PDE4D: variants seen among roughly 807,000 people sequenced by gnomAD.
PDE4D encodes 3',5'-cyclic-AMP phosphodiesterase 4D.
PDE4D carries 24 observed loss-of-function variants against 87.4 expected under a neutral mutation model. The ratio of observed to expected loss-of-function variants is 0.27; its 90% CI spans 0.20 to 0.39. PDE4D has a LOEUF of 0.39. Among genes scored for constraint, PDE4D ranks in the 10% least tolerant of loss-of-function variants. The pLI, the probability that PDE4D is intolerant of heterozygous loss-of-function variation, is 1.00. For synonymous variants in PDE4D, 384 were observed against 383.2 expected (o/e 1.00, Z -0.02); for missense variants, 714 against 1,041.0 (o/e 0.69, Z 4.32).
intron 1 of PDE4D, among the ~76,000 whole-genome samples, chr5:59,360,688 C>T (rs1464984603): frequency 6.6e-6 from 1 of 152,090 alleles, no homozygotes; most frequent in Non-Finnish European, 1.5e-5. Context: ...CTTTGAATTG[C>T]TTTCAAATAT....
chr5:60,447,085 T>G (rs1314885533), intron 1 of PDE4D, among the ~76,000 whole-genome samples: 2 of 152,070 alleles, frequency 1.3e-5, no homozygotes, highest in Non-Finnish European at 2.9e-5. Context: ...CAGGAGCACT[T>G]GCACACCATA....
At chr5:60,282,088 C>G (rs918711708) in intron 1 of PDE4D, among the ~76,000 whole-genome samples, 2 of 151,644 alleles carry the variant, frequency 1.3e-5, no homozygotes, top group East Asian at 3.9e-4. Flanking sequence ...AACAACATTA[C>G]TCAACATATA....
intron 1 of PDE4D, among the ~76,000 whole-genome samples, chr5:60,359,526 T>C (rs919421011): frequency 3.9e-5 from 6 of 152,228 alleles, no homozygotes; most frequent in Non-Finnish European, 8.8e-5. Context: ...GATTTTCCCC[T>C]ATAAATATTT....
chr5:59,094,824 A>G (rs1350120416), intron 5 of PDE4D, among the ~76,000 whole-genome samples: 1 of 152,154 alleles, frequency 6.6e-6, no homozygotes, highest in Non-Finnish European at 1.5e-5. Context: ...AATCTTAAAA[A>G]CTAGCTTTTA....
intron 1 of PDE4D, among the ~76,000 whole-genome samples, chr5:59,446,888 C>T (rs563972416): frequency 6.6e-6 from 1 of 152,308 alleles, no homozygotes; most frequent in East Asian, 1.9e-4. Context: ...TCTGTTTAGA[C>T]TTTTTGGTTG....
chr5:60,391,599 CCCTTAGTTT>C (rs1294125461), intron 1 of PDE4D, among the ~76,000 whole-genome samples: 3 of 152,104 alleles, frequency 2.0e-5, no homozygotes, highest in Non-Finnish European at 2.9e-5. Flanking sequence ...TGACTACTGC[CCCTTAGTTT>C]CCTTAGTCAC....
chr5:59,608,084 T>C (rs1466615208), intron 1 of PDE4D, among the ~76,000 whole-genome samples: 2 of 152,158 alleles, frequency 1.3e-5, no homozygotes, highest in East Asian at 3.9e-4. Flanking sequence ...TAATTTGTTA[T>C]TATAGTGGCC....
chr5:59,768,673 G>A (rs943987363), intron 1 of PDE4D: 25 of 1,482,438 alleles, frequency 1.7e-5, no homozygotes, highest in African/African-American at 2.8e-5. Context: ...GTGCAGAGGA[G>A]GCGAGCGCAC....
chr5:59,101,158 T>C (rs1770671410), intron 5 of PDE4D, among the ~76,000 whole-genome samples: 1 of 152,090 alleles, frequency 6.6e-6, no homozygotes, highest in African/African-American at 2.4e-5. Flanking sequence ...CAGCTTAGGT[T>C]TCCCCTTCCT....
intron 1 of PDE4D, among the ~76,000 whole-genome samples, chr5:59,294,511 A>G (rs1419871174): frequency 6.6e-6 from 1 of 152,136 alleles, no homozygotes; most frequent in Non-Finnish European, 1.5e-5. Flanking sequence ...GGTGGTGAGG[A>G]ACACCTTGTA....
intron 1 of PDE4D, among the ~76,000 whole-genome samples, chr5:59,551,044 A>C (rs1219737449): frequency 6.6e-6 from 1 of 152,008 alleles, no homozygotes; most frequent in Non-Finnish European, 1.5e-5. Flanking sequence ...CTTTAGTAAC[A>C]CTGGAAATAG....
intron 1 of PDE4D, among the ~76,000 whole-genome samples, chr5:60,514,543 A>G (rs1039244167): frequency 6.6e-6 from 1 of 152,102 alleles, no homozygotes; most frequent in Non-Finnish European, 1.5e-5. Flanking sequence ...AACATTCAAA[A>G]TATCAATTTA....
intron 6 of PDE4D, among the ~76,000 whole-genome samples, chr5:59,010,799 T>C (rs1752633219): frequency 6.6e-6 from 1 of 152,092 alleles, no homozygotes; most frequent in Admixed American, 6.5e-5. Flanking sequence ...GTAGTGGATC[T>C]CCCAGCATGA....
In PDE4D at chr5:60,477,563, CTGAG is replaced by C. The variant is rs1476889703; in HGVS notation, c.-90+10375_-90+10378del. 5.3e-5 allele frequency among the ~76,000 whole-genome samples: 8 copies of C among 152,264 alleles called. No homozygotes were observed. The East Asian group carries it at 1.5e-3, about 29-fold the overall frequency. On this transcript the variant is annotated intron_variant, in intron 1 of 16. Coordinates refer to the PDE4D transcript ENST00000502484. ...AAAAGGTGAAATGACTTCTGGTAGA[CTGAG>C]TGTATTAATGGCCCAACTCATGGCC...
intron 1 of PDE4D, among the ~76,000 whole-genome samples, chr5:59,309,327 T>C (rs901139179): frequency 6.6e-6 from 1 of 152,184 alleles, no homozygotes; most frequent in African/African-American, 2.4e-5. Flanking sequence ...CTTCTCCCTG[T>C]AGAGTTTTAC....
chr5:59,118,619 A>G (rs1773997047), intron 5 of PDE4D, among the ~76,000 whole-genome samples: 1 of 152,188 alleles, frequency 6.6e-6, no homozygotes. Context: ...AAGAGGAGAG[A>G]GTTTATTTAC....
At chr5:59,794,154 C>T (rs1164611839) in intron 1 of PDE4D, among the ~76,000 whole-genome samples, 3 of 148,998 alleles carry the variant, frequency 2.0e-5, no homozygotes, top group Non-Finnish European at 4.5e-5. Context: ...CACACACACA[C>T]ACACACACAC....
At chr5:59,655,695 A>G (rs553941808) in intron 1 of PDE4D, among the ~76,000 whole-genome samples, 328 of 152,320 alleles carry the variant, frequency 2.2e-3, no homozygotes, top group African/African-American at 7.4e-3. Context: ...AAGAGGGATG[A>G]GGAAGGAGCT....
intron 3 of PDE4D, among the ~76,000 whole-genome samples, chr5:59,966,541 T>C (rs915379420): frequency 3.9e-5 from 6 of 152,186 alleles, no homozygotes; most frequent in African/African-American, 1.4e-4. Flanking sequence ...GACAACTTTA[T>C]TTTGTGGTTG....
Sources: allele counts gnomAD v4.1 joint callset (sites outside exome capture counted in the v4.1 genomes callset), GRCh38; gene constraint gnomAD v4.1.1; transcripts MANE v1.5; gene names NCBI Gene and HGNC (gene_info 2026-07-23, HGNC 2026-07-21).